Variants in MYT1L observed in about 807,000 individuals in gnomAD.
MYT1L encodes myelin transcription factor 1-like protein.
MYT1L carries 12 observed loss-of-function variants against 126.7 expected under a neutral mutation model. That is an observed-to-expected ratio of 0.09 (90% CI 0.06 to 0.15). The LOEUF (loss-of-function observed/expected upper bound fraction) is 0.15. MYT1L is among the 10% of genes least tolerant of loss of function. The pLI, the probability that MYT1L is intolerant of heterozygous loss-of-function variation, is 1.00. For synonymous variants in MYT1L, 541 were observed against 604.2 expected, an observed-to-expected ratio of 0.90 and a Z score of 1.53; for missense variants, 979 against 1,585.2, an observed-to-expected ratio of 0.62 and a Z score of 6.49.
chr2:1,792,993 T>G (rs1456068741), intron 23 of MYT1L, among the ~76,000 whole-genome samples: 1 of 152,016 alleles, frequency 6.6e-6, no homozygotes, highest in Non-Finnish European at 1.5e-5. Context: ...ACTGTTTCCC[T>G]GCGCGATCCT....
chr2:2,007,007 T>C (rs6719219), intron 4 of MYT1L, among the ~76,000 whole-genome samples: 18,212 of 152,080 alleles, frequency 0.12, 1,168 homozygotes, highest in East Asian at 0.31. Flanking sequence ...AATAGCAGGA[T>C]TGCATTCTTC....
chr2:2,261,492 C>T (rs193034929), intron 2 of MYT1L, among the ~76,000 whole-genome samples: 22 of 152,234 alleles, frequency 1.4e-4, no homozygotes, highest in East Asian at 1.4e-3. Context: ...AGTCCTCCCC[C>T]CTGTTAGGTA....
At chr2:1,983,829 C>A (rs991661519) in intron 5 of MYT1L, among the ~76,000 whole-genome samples, 2 of 152,218 alleles carry the variant, frequency 1.3e-5, no homozygotes, top group African/African-American at 2.4e-5. Flanking sequence ...TTCCTTGGAA[C>A]TGGAGAAAGT....
intron 4 of MYT1L, among the ~76,000 whole-genome samples, chr2:2,052,079 T>C (rs2068897833): frequency 6.6e-6 from 1 of 152,182 alleles, no homozygotes; most frequent in African/African-American, 2.4e-5. Context: ...AATAGTGTGG[T>C]ACTGGCATAA....
chr2:2,204,705 G>A (rs1380149801), intron 2 of MYT1L, among the ~76,000 whole-genome samples: 4 of 151,548 alleles, frequency 2.6e-5, no homozygotes, highest in Admixed American at 6.6e-5. Flanking sequence ...TCAGTGTGGC[G>A]ATTCCTCAGG....
Position 1,887,667 on chromosome 2 carries a change from G to A in MYT1L, c.2521-58C>T, listed in dbSNP as rs553418115. On this transcript the variant is annotated intron_variant, in intron 16 of 24. Coordinates refer to ENST00000647738, the MANE Select transcript of MYT1L (RefSeq NM_001303052.2). This position sits in a 1 kb window ranked among gnomAD's most constrained non-coding sequence, Gnocchi z 4.8. ...GATGATCACATGGCACACAGACTGA[G>A]GGAGGTGGTTCGTGGCTCTGGGGTG... is the stretch of plus-strand genomic sequence containing the variant. 2 of 1,611,268 alleles carry A rather than the reference G, an allele frequency of 1.2e-6. No individual in the cohort carries two copies. Among genetic ancestry groups the A allele is most frequent in the African/African-American group, 1.3e-5 (1 of 74,986 alleles).
Position 2,191,239 on chromosome 2 carries a change from G to C in MYT1L, c.-420-18251C>G, listed in dbSNP as rs1307091545. Among the ~76,000 whole-genome samples the C allele has an allele frequency of 6.6e-5, 10 of 152,296 alleles. No individual in the cohort carries two copies. In the East Asian group the frequency reaches 1.9e-3, roughly 29 times the overall value. ...AGGAGGGATGGGAATGGTTGAGTCTGAGAAGGCTGTGCCTGCTAGGATCCC... is the reference window on the plus strand; with the variant it reads ...AGGAGGGATGGGAATGGTTGAGTCTCAGAAGGCTGTGCCTGCTAGGATCCC... On this transcript the variant is annotated intron_variant, in intron 2 of 24. Coordinates refer to ENST00000647738, the MANE Select transcript of MYT1L (RefSeq NM_001303052.2).
chr2:2,162,942 C>T (rs2088268014), intron 3 of MYT1L, among the ~76,000 whole-genome samples: 1 of 152,150 alleles, frequency 6.6e-6, no homozygotes. Context: ...AACCCCGTGA[C>T]CTTGGAAAGG....
chr2:1,999,553 AATGTAT>A (rs2062171322), intron 4 of MYT1L, among the ~76,000 whole-genome samples: 1 of 152,172 alleles, frequency 6.6e-6, no homozygotes, highest in Non-Finnish European at 1.5e-5. Context: ...AAAATATAAA[AATGTAT>A]TTTTGCATAA....
At chr2:2,329,193 A>T (rs903355942) in intron 1 of MYT1L, among the ~76,000 whole-genome samples, 1 of 151,918 alleles carries the variant, frequency 6.6e-6, no homozygotes, top group African/African-American at 2.4e-5. Context: ...ATGGCAGCCA[A>T]CTCTAAATCC....
chr2:2,065,497 C>T (rs529823654), intron 3 of MYT1L, among the ~76,000 whole-genome samples: 1 of 152,270 alleles, frequency 6.6e-6, no homozygotes, highest in Non-Finnish European at 1.5e-5. Context: ...TCAAACTCCT[C>T]ATCATTTTAA....
At chr2:2,121,706 C>T (rs1211718302) in intron 3 of MYT1L, among the ~76,000 whole-genome samples, 1 of 150,214 alleles carries the variant, frequency 6.7e-6, no homozygotes, top group African/African-American at 2.5e-5. Context: ...AGGCTGGTTT[C>T]GAACTGCTGA....
At chr2:2,242,865 T>C (rs2149154471) in intron 2 of MYT1L, among the ~76,000 whole-genome samples, 1 of 152,324 alleles carries the variant, frequency 6.6e-6, no homozygotes, top group African/African-American at 2.4e-5. Context: ...GCCCAAGTTT[T>C]AGCAACAAAC....
intron 1 of MYT1L, among the ~76,000 whole-genome samples, chr2:2,300,809 G>T (rs1192652669): frequency 6.6e-6 from 1 of 152,166 alleles, no homozygotes; most frequent in Admixed American, 6.5e-5. Flanking sequence ...CTGGAGCTGG[G>T]CATCTCTCTT....
At chr2:1,892,705 G>A (rs1558302605) in intron 14 of MYT1L, among the ~76,000 whole-genome samples, 1 of 151,946 alleles carries the variant, frequency 6.6e-6, no homozygotes, top group Non-Finnish European at 1.5e-5. Context: ...AGCGTGAGTG[G>A]GGCTCCTCCG....
At chr2:1,984,942 C>T (rs1018539267) in intron 5 of MYT1L, among the ~76,000 whole-genome samples, 5 of 152,134 alleles carry the variant, frequency 3.3e-5, no homozygotes, top group Non-Finnish European at 5.9e-5. Context: ...CACTTTGGGT[C>T]CCAGGTCTGC....
chr2:1,828,843 G>T (rs2148244214), intron 21 of MYT1L, among the ~76,000 whole-genome samples: 1 of 152,266 alleles, frequency 6.6e-6, no homozygotes, highest in Admixed American at 6.5e-5. Flanking sequence ...TTTTAAGAGG[G>T]CCTAGGGAAG....
At chr2:2,038,185 G>T (rs147373242) in intron 4 of MYT1L, among the ~76,000 whole-genome samples, 1 of 152,328 alleles carries the variant, frequency 6.6e-6, no homozygotes. Flanking sequence ...AGAATGGCCT[G>T]CACTGTTTAA....
chr2:2,112,147 A>G (rs902971812), intron 3 of MYT1L, among the ~76,000 whole-genome samples: 21 of 152,108 alleles, frequency 1.4e-4, no homozygotes, highest in Non-Finnish European at 1.9e-4. Flanking sequence ...CGTGATTAAG[A>G]TTCTTAGTGT....
Sources: allele counts gnomAD v4.1 joint callset (sites outside exome capture counted in the v4.1 genomes callset), GRCh38; gene constraint gnomAD v4.1.1; non-coding constraint Gnocchi (gnomAD v3.1); transcripts MANE v1.5; gene names NCBI Gene and HGNC (gene_info 2026-07-23, HGNC 2026-07-21).